The following KCNMA1 variants were observed in gnomAD, a reference collection of about 807,000 sequenced individuals.
KCNMA1 encodes the protein potassium calcium-activated channel subfamily M alpha 1, also known as Calcium-activated potassium channel subunit alpha-1.
In KCNMA1, 29 loss-of-function variants were observed where a neutral mutation model predicts 140.0. The ratio of observed to expected loss-of-function variants is 0.21; its 90% CI spans 0.15 to 0.28. KCNMA1 has a LOEUF of 0.28. Among genes scored for constraint, KCNMA1 ranks in the 10% least tolerant of loss-of-function variants. KCNMA1 has a pLI of 1.00. For synonymous variants in KCNMA1, 612 were observed against 611.9 expected (o/e 1.00, Z 0.00); for missense variants, 880 against 1,602.2 (o/e 0.55, Z 7.70).
intron 10 of KCNMA1, among the ~76,000 whole-genome samples, chr10:77,087,264 G>A (rs1380491411): frequency 6.6e-6 from 1 of 152,146 alleles, no homozygotes; most frequent in African/African-American, 2.4e-5. Flanking sequence ...GTGGCAGGCA[G>A]TGGGACTTCC....
At chr10:77,334,851 T>G (rs191635585) in intron 2 of KCNMA1, among the ~76,000 whole-genome samples, 14 of 152,324 alleles carry the variant, frequency 9.2e-5, no homozygotes, top group Admixed American at 2.0e-4. Context: ...TAACCCAATA[T>G]ATGTAATATA....
intron 5 of KCNMA1, among the ~76,000 whole-genome samples, chr10:77,182,474 G>A (rs2098810647): frequency 6.6e-6 from 1 of 152,194 alleles, no homozygotes; most frequent in Admixed American, 6.5e-5. Flanking sequence ...ACTATCATGT[G>A]TGCACATGTG....
At chr10:77,403,434 C>T (rs1219478053) in intron 2 of KCNMA1, among the ~76,000 whole-genome samples, 1 of 152,090 alleles carries the variant, frequency 6.6e-6, no homozygotes, top group Non-Finnish European at 1.5e-5. Context: ...CTATGGGCTA[C>T]CACAGGACAA....
intron 19 of KCNMA1, among the ~76,000 whole-genome samples, chr10:76,996,335 A>T (rs527742267): frequency 1.3e-5 from 2 of 152,220 alleles, no homozygotes; most frequent in African/African-American, 4.8e-5. Context: ...CAGCGTGGCT[A>T]TCACAAAATC....
chr10:77,196,406 C>G (rs1375227072), intron 3 of KCNMA1, among the ~76,000 whole-genome samples: 1 of 152,154 alleles, frequency 6.6e-6, no homozygotes, highest in Non-Finnish European at 1.5e-5. Context: ...TGAGAATATG[C>G]CAACGTGCTG....
At chr10:77,561,988 A>G (rs1435992695) in intron 1 of KCNMA1, among the ~76,000 whole-genome samples, 2 of 152,220 alleles carry the variant, frequency 1.3e-5, no homozygotes, top group East Asian at 1.9e-4. Flanking sequence ...CATTTTACCA[A>G]TGAGGAAACC....
chr10:77,561,722 T>C (rs2066464788), intron 1 of KCNMA1, among the ~76,000 whole-genome samples: 1 of 152,202 alleles, frequency 6.6e-6, no homozygotes, highest in Non-Finnish European at 1.5e-5. Flanking sequence ...CCTGCTATGC[T>C]GGAAACTGAG....
At chr10:77,261,043 G>A (rs1213910498) in intron 2 of KCNMA1, among the ~76,000 whole-genome samples, 1 of 152,084 alleles carries the variant, frequency 6.6e-6, no homozygotes, top group Non-Finnish European at 1.5e-5. Flanking sequence ...CAGAAAGACC[G>A]GGTCTCTGTC....
At chr10:77,004,001 A>G (rs2087460162) in intron 18 of KCNMA1, among the ~76,000 whole-genome samples, 1 of 152,110 alleles carries the variant, frequency 6.6e-6, no homozygotes, top group Non-Finnish European at 1.5e-5. Flanking sequence ...AAAATTTCTT[A>G]TTGTTAGCAT....
chr10:77,071,073 G>A (rs186084238), intron 14 of KCNMA1, among the ~76,000 whole-genome samples: 1 of 152,248 alleles, frequency 6.6e-6, no homozygotes, highest in Admixed American at 6.5e-5. Context: ...CCAGGGCCAG[G>A]CCCAGCCTTT....
chr10:77,153,916 C>T (rs1467433879), intron 5 of KCNMA1, among the ~76,000 whole-genome samples: 2 of 152,090 alleles, frequency 1.3e-5, no homozygotes, highest in Non-Finnish European at 2.9e-5. Context: ...TTAACTTTCC[C>T]AACGTCATTT....
intron 3 of KCNMA1, among the ~76,000 whole-genome samples, chr10:77,200,506 G>A (rs1244897942): frequency 1.3e-5 from 2 of 152,074 alleles, no homozygotes; most frequent in African/African-American, 4.8e-5. Context: ...AGTTCTTTAG[G>A]AAGAGGGGAT....
rs1422015912 is a variant in KCNMA1, at chr10:77,494,856, T to C, written c.379-90833A>G. 2.0e-5 allele frequency among the ~76,000 whole-genome samples: 3 copies of C among 152,342 alleles called. No individual in the cohort carries two copies. In the East Asian group the frequency reaches 5.8e-4, roughly 29 times the overall value. On this transcript the variant is annotated intron_variant, in intron 1 of 27. Coordinates refer to ENST00000286628, the MANE Select transcript of KCNMA1 (RefSeq NM_001161352.2). ...TGAGGGCACATGTGTTCCAGGCCTC[T>C]CTCCTAGTTTTCTTGTCCTTCCTTG...
chr10:77,619,600 T>C (rs1422749103), intron 1 of KCNMA1, among the ~76,000 whole-genome samples: 1 of 152,090 alleles, frequency 6.6e-6, no homozygotes, highest in African/African-American at 2.4e-5. Context: ...GAGGGCCTGC[T>C]TTGATGACCA....
At chr10:77,529,085 C>T (rs1031952464) in intron 1 of KCNMA1, among the ~76,000 whole-genome samples, 1 of 151,950 alleles carries the variant, frequency 6.6e-6, no homozygotes, top group Admixed American at 6.5e-5. Flanking sequence ...GTATATTTTA[C>T]CATAATAATA....
chr10:77,091,006 T>TA (rs1462417261), intron 9 of KCNMA1: 2 of 187,616 alleles, frequency 1.1e-5, no homozygotes, highest in Admixed American at 1.1e-4. Flanking sequence ...TCAGGGTGGC[T>TA]AATGTGCGGC....
chr10:77,447,298 T>C (rs779727935), intron 1 of KCNMA1, among the ~76,000 whole-genome samples: 3 of 152,332 alleles, frequency 2.0e-5, no homozygotes, highest in Non-Finnish European at 2.9e-5. Flanking sequence ...CTTGTCCCTC[T>C]TGTCACTCTG....
chr10:76,990,005 C>A (rs1033825248), intron 19 of KCNMA1, among the ~76,000 whole-genome samples: 1 of 152,162 alleles, frequency 6.6e-6, no homozygotes, highest in African/African-American at 2.4e-5. Flanking sequence ...ATATACCAGG[C>A]AATCTTTATA....
chr10:76,891,770 A>C (rs2151878953), intron 25 of KCNMA1, 51 bp from the exon 26 acceptor site: 1 of 1,460,018 alleles, frequency 6.8e-7, no homozygotes, highest in Admixed American at 1.7e-5. Context: ...AACACCCTAA[A>C]GTCATGACAG....
Sources: allele counts gnomAD v4.1 joint callset (sites outside exome capture counted in the v4.1 genomes callset), GRCh38; gene constraint gnomAD v4.1.1; transcripts MANE v1.5; gene names NCBI Gene and HGNC (gene_info 2026-07-23, HGNC 2026-07-21).